GGA2: variants seen among roughly 807,000 people sequenced by gnomAD.
The protein encoded by GGA2 is golgi associated, gamma adaptin ear containing, ARF binding protein 2, also known as ADP-ribosylation factor-binding protein GGA2.
GGA2 carries 48 observed loss-of-function variants against 79.5 expected under a neutral mutation model. That is an observed-to-expected ratio of 0.60 (90% CI 0.48 to 0.77). GGA2 has a LOEUF of 0.77. GGA2 is among the 30% of genes least tolerant of loss of function. The pLI is 0.00. For synonymous variants in GGA2, 317 were observed against 302.0 expected (o/e 1.05, Z -0.51); for missense variants, 770 against 774.0 (o/e 0.99, Z 0.06).
At chr16:23,492,282 T>A (rs959939506) in intron 4 of GGA2, among the ~76,000 whole-genome samples, 1 of 152,060 alleles carries the variant, frequency 6.6e-6, no homozygotes, top group Non-Finnish European at 1.5e-5. Flanking sequence ...AACCTTGTGA[T>A]CAGAGGGCTG....
At chr16:23,469,051 T>C (rs1964476796) in intron 15 of GGA2, 55 bp from the exon 16 acceptor site, 8 of 1,118,512 alleles carry the variant, frequency 7.2e-6, no homozygotes, top group Admixed American at 1.7e-5. Flanking sequence ...GCTTCTAGGA[T>C]GGAGATCAGG....
Position 23,479,880 on chromosome 16 carries a change from C to G in GGA2, c.1014G>C (p.Gln338His), listed in dbSNP as rs746561948. Residue 338 changes from glutamine to histidine, a missense_variant, in exon 11 of 17, where the codon CAG (glutamine) becomes CAC (histidine). Transcript: ENST00000309859. ...LGDIPVSRVF[Q>H]NPAGCMKTCP... is the part of the protein sequence containing the mutation. ...AGGTCTTCATGCAGCCTGCTGGATT[C>G]TGAAAGACTAGAAAGCCCAGGGTTA... is the stretch of plus-strand genomic sequence containing the variant. 5.6e-6 allele frequency: 9 copies of G among 1,613,912 alleles called. No homozygotes were observed. Among genetic ancestry groups the G allele is most frequent in the Non-Finnish European group, 5.1e-6 (6 of 1,179,952 alleles).
At chr16:23,478,778 G>T in intron 12 of GGA2, 105 bp downstream of exon 12, 1 of 846,510 alleles carries the variant, frequency 1.2e-6, no homozygotes, top group Non-Finnish European at 2.0e-6. Context: ...GATCCCACCG[G>T]GACAGTGCAG....
At chr16:23,523,582 G>A (rs1196644540), upstream of GGA2, 1 of 152,274 alleles carries the variant, frequency 6.6e-6, no homozygotes, top group African/African-American at 2.4e-5. Flanking sequence ...AGCCCTGCTT[G>A]TGTCACGTAT....
intron 14 of GGA2, among the ~76,000 whole-genome samples, chr16:23,473,152 T>A (rs1964534801): frequency 6.6e-6 from 1 of 151,590 alleles, no homozygotes; most frequent in South Asian, 2.1e-4. Context: ...AAAAATGGTA[T>A]AGGCTTATAA....
chr16:23,465,834 G>A lies in GGA2; in HGVS notation c.*1756C>T, dbSNP rs747368917. On this transcript the variant is annotated 3_prime_UTR_variant, in exon 17 of 17. Transcript: ENST00000309859. The stretch of plus-strand genomic sequence containing the variant: ...CTCACGCCTGTAGTCCCAGCTACTC[G>A]AGAGGCTGAGGCACGAGAATCGCTT... 2.4e-5 allele frequency: 4 copies of A among 168,422 alleles called. No homozygotes were observed. Among genetic ancestry groups the A allele is most frequent in the African/African-American group, 4.8e-5 (2 of 42,042 alleles). The allele number at this position is 168,422 out of a possible 1,614,324, so 10.4% of individuals were successfully genotyped here. A position where few individuals can be genotyped will look rare whatever the true frequency, so the allele number is the denominator to read the frequency against.
intron 4 of GGA2, 109 bp downstream of exon 4, chr16:23,493,251 A>G: frequency 1.4e-6 from 1 of 715,768 alleles, no homozygotes; most frequent in Non-Finnish European, 2.6e-6. Flanking sequence ...CACAGGCAGG[A>G]GCAGGTTTTG....
chr16:23,506,595 T>C (rs1216929323), intron 1 of GGA2, among the ~76,000 whole-genome samples: 1 of 152,146 alleles, frequency 6.6e-6, no homozygotes, highest in Non-Finnish European at 1.5e-5. Flanking sequence ...GGGATGCCAC[T>C]AAACATCCTA....
chr16:23,505,254 A>G (rs1470691886), intron 1 of GGA2, among the ~76,000 whole-genome samples: 1 of 152,136 alleles, frequency 6.6e-6, no homozygotes, highest in African/African-American at 2.4e-5. Context: ...AAACAGATTT[A>G]CTGAGCACCC....
upstream of GGA2, among the ~76,000 whole-genome samples, chr16:23,512,981 A>G (rs1274943692): frequency 2.0e-5 from 3 of 152,104 alleles, no homozygotes; most frequent in Non-Finnish European, 4.4e-5. Context: ...TCGGAATTAC[A>G]GGCGTGAACC....
intron 5 of GGA2, among the ~76,000 whole-genome samples, chr16:23,489,207 C>G (rs988099138): frequency 1.3e-5 from 2 of 152,182 alleles, no homozygotes; most frequent in East Asian, 1.9e-4. Flanking sequence ...GTGACAACAA[C>G]AAAACACTGG....
intron 1 of GGA2, among the ~76,000 whole-genome samples, chr16:23,500,114 G>GAAACCAAACC (rs890770759): frequency 1.2e-4 from 18 of 152,184 alleles, no homozygotes; most frequent in Admixed American, 6.5e-4. Flanking sequence ...CCATTCTAAG[G>GAAACCAAACC]AAACCAAACA....
intron 11 of GGA2, chr16:23,479,143 G>A (rs1964615379): frequency 1.7e-6 from 1 of 577,586 alleles, no homozygotes; most frequent in Non-Finnish European, 3.1e-6. Flanking sequence ...CTCCCCAAGG[G>A]AACCAGCTCA....
At position 23,510,377 on chromosome 16, in the gene GGA2, C is replaced by G; in HGVS notation, c.35G>C (p.Gly12Ala). ...CGGGGGACCCTGGGCCGACTCGGTT[C>G]CCGCCACAGCCGCCGCCACCGCGGT... ...AATAVAAAVA[G>A]TESAQGPPGP... is the part of the protein sequence containing the mutation. The change falls in exon 1 of 17, where the codon GGA (glycine) becomes GCA (alanine). Residue 12 changes from glycine (G) to alanine (A), a missense_variant. Gly to Ala is a moderately conservative substitution (Grantham distance 60). Transcript: ENST00000309859. 1.4e-6 allele frequency: 2 copies of G among 1,414,514 alleles called. No homozygotes were observed. The highest frequency in any genetic ancestry group is 1.4e-5 in the South Asian group (1 of 69,392). 87.6% of individuals were successfully genotyped at this position (1,414,514 alleles called of 1,614,324 possible). A position where few individuals can be genotyped will look rare whatever the true frequency, so the allele number is the denominator to read the frequency against.
intron 13 of GGA2, among the ~76,000 whole-genome samples, chr16:23,475,802 C>T (rs1031977337): frequency 1.3e-5 from 2 of 151,552 alleles, no homozygotes; most frequent in African/African-American, 2.4e-5. Flanking sequence ...TGGTGGCACA[C>T]GCTTGTAATA....
intron 6 of GGA2, 63 bp downstream of exon 6, chr16:23,488,543 A>C: frequency 1.1e-6 from 1 of 941,610 alleles, no homozygotes; most frequent in South Asian, 1.3e-5. Flanking sequence ...CAAGCATCAA[A>C]GGGCATTTAC....
intron 13 of GGA2, among the ~76,000 whole-genome samples, chr16:23,476,903 G>C (rs989245059): frequency 6.6e-6 from 1 of 152,164 alleles, no homozygotes; most frequent in East Asian, 1.9e-4. Flanking sequence ...GCCAAAGCAG[G>C]TATTTTCCTA....
chr16:23,480,567 T>G (rs1392662780), intron 10 of GGA2, 78 bp downstream of exon 10: 5 of 1,229,286 alleles, frequency 4.1e-6, no homozygotes, highest in African/African-American at 3.0e-5. Flanking sequence ...ACCCAGAATA[T>G]GTTTAGGACC....
intron 1 of GGA2, among the ~76,000 whole-genome samples, chr16:23,496,677 C>T (rs1964860219): frequency 6.6e-6 from 1 of 152,044 alleles, no homozygotes. Flanking sequence ...AAAATTAAGA[C>T]CAGGCGCGAT....
Sources: gnomAD v4.1 joint callset for allele counts (sites outside exome capture counted in the v4.1 genomes callset) on GRCh38, gnomAD v4.1.1 for gene constraint, MANE v1.5 for transcripts, NCBI Gene and HGNC (gene_info 2026-07-23, HGNC 2026-07-21) for gene names.